The following GCNT2 variants were observed in gnomAD, a reference collection of about 807,000 sequenced individuals.
The protein encoded by GCNT2 is N-acetyllactosaminide beta-1,6-N-acetylglucosaminyl-transferase.
Under a neutral mutation model 34.2 loss-of-function variants are expected in GCNT2, and 34 were observed. The ratio of observed to expected loss-of-function variants is 1.00; its 90% CI spans 0.76 to 1.32. The LOEUF (loss-of-function observed/expected upper bound fraction) is 1.32, where lower values mean the gene tolerates loss of function less well. GCNT2 is among the 40% of genes most tolerant of loss of function. GCNT2 has a pLI of 0.00. For synonymous variants in GCNT2, 212 were observed against 188.0 expected (o/e 1.13, Z -1.04); for missense variants, 584 against 489.4 (o/e 1.19, Z -1.82).
In GCNT2 at chr6:10,552,392, C is replaced by T. The variant is rs184475225; in HGVS notation, c.925+22556C>T. Among the ~76,000 whole-genome samples the T allele has an allele frequency of 2.6e-5, 4 of 152,034 alleles. No individual in the cohort carries two copies. The East Asian group carries it at 7.7e-4, about 29-fold the overall frequency. Reference sequence around the variant, plus strand: ...TCCCCAGGTCCTGAATCCTTGGATTCAACCAACCTCAGCACTCTGTTTCCC... The same window carrying T: ...TCCCCAGGTCCTGAATCCTTGGATTTAACCAACCTCAGCACTCTGTTTCCC... On this transcript the variant is annotated intron_variant, in intron 3 of 4. Transcript: ENST00000495262.
At chr6:10,536,160 C>A (rs1761740616) in intron 3 of GCNT2, among the ~76,000 whole-genome samples, 1 of 152,088 alleles carries the variant, frequency 6.6e-6, no homozygotes, top group Non-Finnish European at 1.5e-5. Flanking sequence ...CATCCTTGAG[C>A]CCCAGGGATG....
At chr6:10,523,897 C>T (rs1332961811) in intron 1 of GCNT2, among the ~76,000 whole-genome samples, 5 of 140,192 alleles carry the variant, frequency 3.6e-5, no homozygotes, top group Admixed American at 1.6e-4. Flanking sequence ...GGCCTGAACC[C>T]GGGAGGCGGA....
At chr6:10,585,056 TGTGTGTGTGTGTGTGTGTGTGTGC>T (rs1307430199) in intron 3 of GCNT2, among the ~76,000 whole-genome samples, 9 of 140,732 alleles carry the variant, frequency 6.4e-5, no homozygotes, top group African/African-American at 1.8e-4. Flanking sequence ...TGTGTGTGTG[TGTGTGTGTGTGTGTGTGTGTGTGC>T]GCGCTATATT....
chr6:10,617,461 C>T (rs1352486105), intron 3 of GCNT2, among the ~76,000 whole-genome samples: 1 of 152,210 alleles, frequency 6.6e-6, no homozygotes, highest in Admixed American at 6.5e-5. Flanking sequence ...GAAAGGGGCT[C>T]CCACAGTGCA....
At chr6:10,598,258 T>C (rs888388160) in intron 3 of GCNT2, among the ~76,000 whole-genome samples, 5 of 152,242 alleles carry the variant, frequency 3.3e-5, no homozygotes, top group Non-Finnish European at 7.3e-5. Flanking sequence ...CGGTGACTTA[T>C]CTGTAAATTG....
chr6:10,542,930 G>A (rs1376498051), intron 3 of GCNT2, among the ~76,000 whole-genome samples: 7 of 131,604 alleles, frequency 5.3e-5, no homozygotes, highest in Non-Finnish European at 9.3e-5. Flanking sequence ...ATTTTGAGAC[G>A]GAGTTTCACT....
rs182028247 is a variant in GCNT2, at chr6:10,600,034, G to A, written c.926-21317G>A. On this transcript the variant is annotated intron_variant, in intron 3 of 4. Transcript: ENST00000495262. ...GTGGAGAAACCAGGCACAGGGAGAC[G>A]AAATGATTTGTCTGTGTTGCATGAT... 2.3e-3 allele frequency among the ~76,000 whole-genome samples: 346 copies of A among 152,318 alleles called. 2 individuals are homozygous for A. Among genetic ancestry groups the A allele is most frequent in the Middle Eastern group, 3.4e-3 (1 of 294 alleles).
chr6:10,546,090 C>T (rs1420978649), intron 3 of GCNT2, among the ~76,000 whole-genome samples: 1 of 152,178 alleles, frequency 6.6e-6, no homozygotes, highest in African/African-American at 2.4e-5. Context: ...CACTGCTGAG[C>T]TTCCCTGCCA....
At chr6:10,543,287 T>G (rs1374957039) in intron 3 of GCNT2, among the ~76,000 whole-genome samples, 1 of 149,900 alleles carries the variant, frequency 6.7e-6, no homozygotes. Flanking sequence ...CACTGCAACC[T>G]CTGCAATTCT....
chr6:10,594,018 A>G (rs1197488993), intron 3 of GCNT2, among the ~76,000 whole-genome samples: 1 of 152,248 alleles, frequency 6.6e-6, no homozygotes, highest in Non-Finnish European at 1.5e-5. Context: ...CTTAGTTCCC[A>G]GAGAAGTTGT....
chr6:10,546,085 C>T (rs1173787205), intron 3 of GCNT2, among the ~76,000 whole-genome samples: 1 of 152,150 alleles, frequency 6.6e-6, no homozygotes, highest in African/African-American at 2.4e-5. Context: ...TGCCTCACTG[C>T]TGAGCTTCCC....
intron 3 of GCNT2, chr6:10,587,062 T>TAA: frequency 1.5e-6 from 1 of 675,142 alleles, no homozygotes; most frequent in Middle Eastern, 4.0e-4. Context: ...AGTGTATTGC[T>TAA]GACTGTTGTC....
intron 3 of GCNT2, chr6:10,556,955 T>G (rs1762742592): frequency 1.9e-6 from 3 of 1,613,936 alleles, no homozygotes; most frequent in Admixed American, 1.7e-5. Context: ...TCTTTCTGCC[T>G]TCGAGGTCTC....
chr6:10,579,743 A>G (rs579349), intron 3 of GCNT2, among the ~76,000 whole-genome samples: 4,368 of 150,370 alleles, frequency 0.029, 190 homozygotes, highest in African/African-American at 0.097. Flanking sequence ...TTGAACCCGG[A>G]AGGCGGAGGT....
Position 10,529,190 on chromosome 6 carries a change from T to C in GCNT2, c.279T>C (p.Ala93=), listed in dbSNP as rs767790288. The change falls in exon 3 of 5, where the codon GCT becomes GCC. Residue 93 remains alanine (A), a synonymous_variant. Coordinates refer to ENST00000495262, the MANE Select transcript of GCNT2 (RefSeq NM_145649.5). Reference sequence around the variant, plus strand: ...CAGAAACACTCTCTGAAGAAGAGGCTGGGTTCCCTTTAGCTTACACAGTGA... The same window carrying C: ...CAGAAACACTCTCTGAAGAAGAGGCCGGGTTCCCTTTAGCTTACACAGTGA... ...YVTETLSEEE[A]GFPLAYTVTI... is the part of the protein sequence containing the mutation. 9.3e-6 allele frequency: 15 copies of C among 1,614,090 alleles called. No individual in the cohort carries two copies. The East Asian group carries it at 2.7e-4, about 29-fold the overall frequency.
At chr6:10,579,573 T>C (rs959991290) in intron 3 of GCNT2, among the ~76,000 whole-genome samples, 3 of 152,050 alleles carry the variant, frequency 2.0e-5, no homozygotes, top group African/African-American at 7.2e-5. Context: ...CCCAGCACTT[T>C]GTGAGGCTGA....
intron 3 of GCNT2, among the ~76,000 whole-genome samples, chr6:10,566,858 C>T (rs1005331324): frequency 1.3e-5 from 2 of 152,188 alleles, no homozygotes; most frequent in East Asian, 1.9e-4. Context: ...TTCATTTTAC[C>T]CAATGAGTGG....
intron 3 of GCNT2, chr6:10,557,382 G>T (rs369260097): frequency 6.7e-7 from 1 of 1,494,388 alleles, no homozygotes; most frequent in South Asian, 1.1e-5. Context: ...GAAATGTGTC[G>T]TATTTGAAAG....
At chr6:10,616,126 C>G (rs1765748489) in intron 3 of GCNT2, among the ~76,000 whole-genome samples, 1 of 152,150 alleles carries the variant, frequency 6.6e-6, no homozygotes, top group South Asian at 2.1e-4. Context: ...TTTTTTCCTT[C>G]TGGTGGGTTC....
Sources: gnomAD v4.1 joint callset for allele counts (sites outside exome capture counted in the v4.1 genomes callset) on GRCh38, gnomAD v4.1.1 for gene constraint, MANE v1.5 for transcripts, NCBI Gene and HGNC (gene_info 2026-07-23, HGNC 2026-07-21) for gene names.